Variants in SIPA1L3 observed in about 807,000 individuals in gnomAD.
SIPA1L3 encodes signal-induced proliferation-associated 1-like protein 3.
SIPA1L3 carries 59 observed loss-of-function variants against 150.1 expected under a neutral mutation model. The ratio of observed to expected loss-of-function variants is 0.39; its 90% confidence interval spans 0.32 to 0.49. The LOEUF (loss-of-function observed/expected upper bound fraction) is 0.49, where lower values mean the gene tolerates loss of function less well. SIPA1L3 is among the 20% of genes least tolerant of loss of function. The pLI, the probability that SIPA1L3 is intolerant of heterozygous loss-of-function variation, is 0.86. For missense variants in SIPA1L3, 2,211 were observed against 2,489.5 expected (o/e 0.89, Z 2.38); for synonymous variants, 1,070 against 1,077.6 (o/e 0.99, Z 0.14).
At chr19:38,054,419 C>A (rs6508762) in intron 2 of SIPA1L3, among the ~76,000 whole-genome samples, 61,264 of 151,866 alleles carry the variant, frequency 0.4, 13,891 homozygotes, top group African/African-American at 0.62. Context: ...CTAGCCTGAC[C>A]AACATGGTGA....
chr19:37,937,741 C>CGAAAAAAAAAAAAAAAAAAA (rs2046613127), intron 1 of SIPA1L3, among the ~76,000 whole-genome samples: 1 of 18,674 alleles, frequency 5.4e-5, no homozygotes, highest in African/African-American at 2.5e-4. Flanking sequence ...AACCCTGTCT[C>CGAAAAAAAAAAAAAAAAAAA]AAAAAAAAAA....
chr19:37,952,673 A>T (rs2046775349), intron 1 of SIPA1L3, among the ~76,000 whole-genome samples: 1 of 152,234 alleles, frequency 6.6e-6, no homozygotes, highest in Admixed American at 6.5e-5. Context: ...ACTCTGTCTC[A>T]AAAATAAAAT....
chr19:38,121,869 T>C (rs1220844090), intron 9 of SIPA1L3, among the ~76,000 whole-genome samples: 1 of 151,820 alleles, frequency 6.6e-6, no homozygotes, highest in South Asian at 2.1e-4. Context: ...CAGTGAGCTA[T>C]GATCACACCA....
At chr19:38,025,022 C>G (rs779528252) in intron 1 of SIPA1L3, among the ~76,000 whole-genome samples, 6 of 152,184 alleles carry the variant, frequency 3.9e-5, no homozygotes, top group Non-Finnish European at 8.8e-5. Context: ...TTCTCGGCCC[C>G]TTCCTCCTGC....
chr19:37,962,697 G>T (rs2046870464), intron 1 of SIPA1L3, among the ~76,000 whole-genome samples: 1 of 151,890 alleles, frequency 6.6e-6, no homozygotes, highest in Non-Finnish European at 1.5e-5. Context: ...TTCCTATCTT[G>T]TCCAGGCTGG....
intron 2 of SIPA1L3, among the ~76,000 whole-genome samples, chr19:38,055,070 T>C (rs1487364029): frequency 6.6e-6 from 1 of 152,196 alleles, no homozygotes; most frequent in Admixed American, 6.5e-5. Flanking sequence ...ATTCTAGCCT[T>C]GTCGCTTCCT....
chr19:38,193,866 C>T, intron 18 of SIPA1L3, 86 bp downstream of exon 18: 1 of 1,391,854 alleles, frequency 7.2e-7, no homozygotes, highest in South Asian at 1.5e-5. Context: ...ACCTGGAGGT[C>T]AAAGGCTAGA....
At chr19:37,982,815 T>G (rs1171305632) in intron 1 of SIPA1L3, among the ~76,000 whole-genome samples, 1 of 152,156 alleles carries the variant, frequency 6.6e-6, no homozygotes, top group Non-Finnish European at 1.5e-5. Flanking sequence ...ACCTGGGCTT[T>G]CCCGGTGTGA....
intron 9 of SIPA1L3, among the ~76,000 whole-genome samples, chr19:38,126,836 CA>C (rs1971185591): frequency 6.6e-6 from 1 of 151,986 alleles, no homozygotes; most frequent in Non-Finnish European, 1.5e-5. Flanking sequence ...GTGCCCGGCC[CA>C]ATTTTACTTT....
chr19:38,073,445 C>A (rs1969767156), intron 2 of SIPA1L3, among the ~76,000 whole-genome samples: 1 of 152,246 alleles, frequency 6.6e-6, no homozygotes, highest in South Asian at 2.1e-4. Flanking sequence ...CGCAGCCAAA[C>A]ACATCCCAAC....
intron 21 of SIPA1L3, among the ~76,000 whole-genome samples, chr19:38,205,457 CAA>C (rs763908720): frequency 2.8e-4 from 21 of 75,378 alleles, no homozygotes; most frequent in Admixed American, 6.2e-4. Flanking sequence ...AACCCAGTCT[CAA>C]AAAAAAAAAA....
intron 15 of SIPA1L3, among the ~76,000 whole-genome samples, chr19:38,177,031 C>T (rs1469803420): frequency 6.6e-6 from 1 of 151,940 alleles, no homozygotes; most frequent in East Asian, 1.9e-4. Context: ...CCACTTAACC[C>T]TTACCTTGCA....
intron 2 of SIPA1L3, among the ~76,000 whole-genome samples, chr19:38,059,025 CAAAAAAAAA>C (rs74176410): frequency 1.1e-5 from 1 of 90,848 alleles, no homozygotes; most frequent in South Asian, 3.8e-4. Context: ...AACTCTGTCT[CAAAAAAAAA>C]AAAAAAAAAA....
intron 9 of SIPA1L3, among the ~76,000 whole-genome samples, chr19:38,123,209 A>G (rs1406120853): frequency 6.6e-6 from 1 of 151,392 alleles, no homozygotes; most frequent in Non-Finnish European, 1.5e-5. Flanking sequence ...TGAGGCCCAG[A>G]GATACCTTGA....
At chr19:37,998,606 A>C (rs188640528) in intron 1 of SIPA1L3, among the ~76,000 whole-genome samples, 1 of 152,278 alleles carries the variant, frequency 6.6e-6, no homozygotes, top group East Asian at 1.9e-4. Context: ...ACATAGCAAG[A>C]CCTCATCTCT....
chr19:38,144,740 C>G (rs1028649814), intron 12 of SIPA1L3, among the ~76,000 whole-genome samples: 1 of 152,182 alleles, frequency 6.6e-6, no homozygotes, highest in African/African-American at 2.4e-5. Context: ...CGAGGGGGTT[C>G]TGTAGTCAGC....
At chr19:38,194,376 C>A (rs542126486) in intron 18 of SIPA1L3, among the ~76,000 whole-genome samples, 14 of 151,366 alleles carry the variant, frequency 9.2e-5, no homozygotes, top group Admixed American at 6.6e-5. Flanking sequence ...CTAACCCCCC[C>A]ACAACTGAAA....
At position 38,132,672 on chromosome 19, in the gene SIPA1L3, G is replaced by C. The variant is rs1301170296; in HGVS notation, c.3143+1900G>C. ...CTCTTTTTTTTTTTGCTTTGAGACA[G>C]AGTCTTGCTCTGTCACCCAGGCTGG... On this transcript the variant is annotated intron_variant, in intron 10 of 21. Transcript: ENST00000222345. 2.0e-5 allele frequency among the ~76,000 whole-genome samples: 3 copies of C among 148,666 alleles called. No individual in the cohort carries two copies. The East Asian group carries it at 6.0e-4, about 30-fold the overall frequency.
chr19:37,951,344 C>T (rs2046762127), intron 1 of SIPA1L3, among the ~76,000 whole-genome samples: 1 of 152,218 alleles, frequency 6.6e-6, no homozygotes, highest in South Asian at 2.1e-4. Flanking sequence ...CAATGTTTAT[C>T]TTCAGTTTTG....
Sources: gnomAD v4.1 joint callset for allele counts (sites outside exome capture counted in the v4.1 genomes callset) on GRCh38, gnomAD v4.1.1 for gene constraint, MANE v1.5 for transcripts, NCBI Gene and HGNC (gene_info 2026-07-23, HGNC 2026-07-21) for gene names.